DNA2: variants seen among roughly 807,000 people sequenced by gnomAD.
The protein encoded by DNA2 is DNA replication helicase/nuclease 2, also known as DNA replication ATP-dependent helicase/nuclease DNA2.
A neutral mutation model predicts 119.1 loss-of-function variants in DNA2; 101 were observed. The observed-to-expected ratio is 0.85, with a 90% CI of 0.72 to 1.00. DNA2 has a LOEUF of 1.00. DNA2 is among the 50% of genes least tolerant of loss of function. The probability of loss-of-function intolerance (pLI) is 0.00; values close to 1 mark genes in which losing one functional copy is unlikely to be tolerated. For synonymous variants in DNA2, 366 were observed against 424.4 expected (o/e 0.86, Z 1.69); for missense variants, 1,121 against 1,255.5 (o/e 0.89, Z 1.62).
rs368610508 is a variant in DNA2 at position 68,418,506 on chromosome 10, G to A, written c.2967+528C>T. Reference sequence around the variant, plus strand: ...AAAAAAAAAAAACCAGAATACATCTGCAGAACGTGCAGTTTTGTTACATAG... The same window carrying A: ...AAAAAAAAAAAACCAGAATACATCTACAGAACGTGCAGTTTTGTTACATAG... On this transcript the variant is annotated intron_variant, in intron 19 of 20. Coordinates refer to ENST00000358410, the MANE Select transcript of DNA2 (RefSeq NM_001080449.3). 2.0e-5 allele frequency among the ~76,000 whole-genome samples: 3 copies of A among 148,642 alleles called. No homozygotes were observed. The East Asian group carries it at 5.9e-4, about 29-fold the overall frequency.
At position 68,424,513 on chromosome 10, in the gene DNA2, A is replaced by AC. The variant is rs1285243226; in HGVS notation, c.2209-1624_2209-1623insG. The stretch of plus-strand genomic sequence containing the variant: ...AGTGAGTCACTGTCTCAAAAAAAAA[A>AC]AAAAAAACAAAACAGGCCTGAGGCC... On this transcript the variant is annotated intron_variant, in intron 14 of 20. Transcript: ENST00000358410. 60 of 649,312 alleles carry AC rather than the reference A, an allele frequency of 9.2e-5. No homozygotes were observed. In the African/African-American group the frequency reaches 9.7e-4, roughly 11 times the overall value. The allele number at this position is 649,312 out of a possible 1,614,324, so 40.2% of individuals were successfully genotyped here.
At chr10:68,428,069 T>G (rs1389453351) in intron 14 of DNA2, among the ~76,000 whole-genome samples, 1 of 148,850 alleles carries the variant, frequency 6.7e-6, no homozygotes, top group Admixed American at 6.7e-5. Context: ...GGCTCACGCC[T>G]GTAATCCCAA....
Position 68,431,906 on chromosome 10 carries a change from C to G in DNA2, c.1939G>C (p.Val647Leu). The G allele has an allele frequency of 1.2e-6, 2 of 1,613,874 alleles. No homozygotes were observed. Among genetic ancestry groups the G allele is most frequent in the Non-Finnish European group, 1.7e-6 (2 of 1,179,832 alleles). The change falls in exon 13 of 21, where the codon GTG becomes CTG. Residue 647 changes from valine (V) to leucine (L), a missense_variant. By Grantham distance (32) the Val-to-Leu change is conservative. Coordinates refer to ENST00000358410, the MANE Select transcript of DNA2 (RefSeq NM_001080449.3). ...GTTTTTCCTGTCCCAGGCATACCCA[C>G]GATGAGTGTGTAGTCTTTTGAAAGA... ...VLLSKDYTLI[V>L]GMPGTGKTTT...
Position 68,422,300 on chromosome 10 carries a change from A to G in DNA2, c.2622T>C (p.Ala874=). 1 of 1,613,884 alleles carries G rather than the reference A, an allele frequency of 6.2e-7. No individual in the cohort carries two copies. The highest frequency in any genetic ancestry group is 1.1e-5 in the South Asian group (1 of 91,052). The change falls in exon 17 of 21, where the codon GCT becomes GCC. Residue 874 remains alanine, a synonymous_variant. Coordinates refer to ENST00000358410, the MANE Select transcript of DNA2 (RefSeq NM_001080449.3). The part of the protein sequence containing the change: ...KDVKLELEFY[A]DYSDNPWLMG... ...TCAACCAAGGATTATCAGAATAGTC[A>G]GCATAAAATTCCAGTTCCAGCTTCA...
In DNA2 at chr10:68,426,665, G is replaced by A. The variant is rs186342965; in HGVS notation, c.2208+3771C>T. On this transcript the variant is annotated intron_variant, in intron 14 of 20. Coordinates refer to ENST00000358410, the MANE Select transcript of DNA2 (RefSeq NM_001080449.3). ...CCTGTCTAAGAGACGGTGAAACCCC[G>A]TCTCTACTAAAAAAATACAAAAAAT... Among the ~76,000 whole-genome samples the A allele has an allele frequency of 2.5e-3, 375 of 150,022 alleles. 1 individual carries two copies. Among genetic ancestry groups the A allele is most frequent in the African/African-American group, 7.6e-3 (305 of 40,298 alleles).
chr10:68,432,751 A>T (rs1479117675), intron 10 of DNA2, among the ~76,000 whole-genome samples: 1 of 152,102 alleles, frequency 6.6e-6, no homozygotes, highest in African/African-American at 2.4e-5. Flanking sequence ...AACCTGCAAC[A>T]TTTGCTGAAA....
intron 10 of DNA2, among the ~76,000 whole-genome samples, chr10:68,436,205 G>A (rs888719327): frequency 6.6e-6 from 1 of 152,152 alleles, no homozygotes; most frequent in African/African-American, 2.4e-5. Context: ...TGAACAAAAT[G>A]TGGTGTATCC....
chr10:68,445,223 G>A, intron 7 of DNA2, 140 bp from the exon 8 acceptor site: 1 of 773,694 alleles, frequency 1.3e-6, no homozygotes, highest in Non-Finnish European at 2.0e-6. Flanking sequence ...CCAACACTTG[G>A]GGAGGCTGAG....
chr10:68,467,420 T>G (rs903992715), intron 3 of DNA2, among the ~76,000 whole-genome samples: 1 of 151,834 alleles, frequency 6.6e-6, no homozygotes, highest in African/African-American at 2.4e-5. Flanking sequence ...CAAAATACGT[T>G]TTTTTTTTGA....
intron 5 of DNA2, among the ~76,000 whole-genome samples, chr10:68,457,712 T>C (rs1350614121): frequency 2.3e-5 from 3 of 130,476 alleles, no homozygotes; most frequent in South Asian, 2.5e-4. Flanking sequence ...ATTTCCCCTA[T>C]AAAATTATAA....
At chr10:68,452,836 C>T (rs564864885) in intron 5 of DNA2, among the ~76,000 whole-genome samples, 2 of 144,730 alleles carry the variant, frequency 1.4e-5, no homozygotes, top group Admixed American at 7.3e-5. Flanking sequence ...CTCCTGCTTT[C>T]GCCTCCCAAA....
rs2133380126 is a variant in DNA2 at position 68,432,453 on chromosome 10, AT to A, written c.1703del (p.Asn568IlefsTer4). Reference protein sequence around the residue: ...TLFRLDQEEKNCDIDTPLGNL... With the variant: ...TLFRLDQEEKXCDIDTPLGNL... ...TTCCTAATGGGGTATCTATATCACA[AT>A]TTTTTTCTTCTTGGTCTAATCTGAA... On this transcript the variant is annotated frameshift_variant, in exon 11 of 21. Coordinates refer to ENST00000358410, the MANE Select transcript of DNA2 (RefSeq NM_001080449.3). LOFTEE classifies it high-confidence loss of function. 15 of 1,591,114 alleles carry A rather than the reference AT, an allele frequency of 9.4e-6. No individual in the cohort carries two copies. The highest frequency in any genetic ancestry group is 2.2e-5 in the East Asian group (1 of 44,522).
At chr10:68,448,982 T>TGTGTGTGC (rs1554907498) in intron 6 of DNA2, among the ~76,000 whole-genome samples, 2 of 144,262 alleles carry the variant, frequency 1.4e-5, no homozygotes, top group African/African-American at 5.7e-5. Flanking sequence ...TGTGTGTGTG[T>TGTGTGTGC]GTGTAGTAGT....
At chr10:68,445,176 AT>A in intron 7 of DNA2, 93 bp from the exon 8 acceptor site, 2 of 1,203,302 alleles carry the variant, frequency 1.7e-6, no homozygotes, top group Non-Finnish European at 2.3e-6. Flanking sequence ...ATTTAAAAAC[AT>A]TTTAGGGCCG....
At chr10:68,435,456 CAT>C (rs58782167) in intron 10 of DNA2, among the ~76,000 whole-genome samples, 8,670 of 144,722 alleles carry the variant, frequency 0.06, 391 homozygotes, top group East Asian at 0.26. Context: ...TATACATACA[CAT>C]ATATATATAT....
At chr10:68,450,936 TAAA>T (rs1402481827) in intron 5 of DNA2, among the ~76,000 whole-genome samples, 1 of 151,796 alleles carries the variant, frequency 6.6e-6, no homozygotes, top group East Asian at 1.9e-4. Context: ...CTGTCTCAAT[TAAA>T]AAAATACAAG....
At chr10:68,441,274 C>G (rs1003558006) in intron 9 of DNA2, among the ~76,000 whole-genome samples, 2 of 144,614 alleles carry the variant, frequency 1.4e-5, no homozygotes, top group Admixed American at 1.5e-4. Flanking sequence ...TTCGAGGCTA[C>G]AGTGAGCCAT....
rs1454351015 is a variant in DNA2 at position 68,419,568 on chromosome 10, T to C, written c.2787+235A>G. Reference sequence around the variant, plus strand: ...TCCTAATCACTACAACATAGTATTGTCTCAATTAGAATTAGCTGACATTAC... The same window carrying C: ...TCCTAATCACTACAACATAGTATTGCCTCAATTAGAATTAGCTGACATTAC... On this transcript the variant is annotated intron_variant, in intron 18 of 20. Transcript: ENST00000358410. 3.0e-5 allele frequency: 17 copies of C among 566,604 alleles called. No individual in the cohort carries two copies. In the East Asian group the frequency reaches 4.9e-4, roughly 16 times the overall value. The allele number at this position is 566,604 out of a possible 1,614,324, so 35.1% of individuals were successfully genotyped here.
intron 20 of DNA2, 60 bp downstream of exon 20, chr10:68,416,649 G>A: frequency 6.6e-7 from 1 of 1,512,130 alleles, no homozygotes; most frequent in East Asian, 2.3e-5. Flanking sequence ...ATTTAAACAA[G>A]CAAATAAATA....
Sources: gnomAD v4.1 joint callset for allele counts (sites outside exome capture counted in the v4.1 genomes callset) on GRCh38, gnomAD v4.1.1 for gene constraint, MANE v1.5 for transcripts, NCBI Gene and HGNC (gene_info 2026-07-23, HGNC 2026-07-21) for gene names.